The following DAP variants were observed in gnomAD, a reference collection of about 807,000 sequenced individuals.
DAP encodes death-associated protein 1.
In DAP, 8 loss-of-function variants were observed where a neutral mutation model predicts 13.8. The observed-to-expected ratio is 0.58, with a 90% CI of 0.34 to 1.05. DAP has a LOEUF of 1.05. Ranked by LOEUF, DAP falls within the 50% of genes least tolerant of loss-of-function variation. DAP has a pLI of 0.03. For synonymous variants in DAP, 47 were observed against 47.5 expected (o/e 0.99, Z 0.04); for missense variants, 106 against 133.2 (o/e 0.80, Z 1.01).
Position 10,680,387 on chromosome 5 carries a change from C to T in DAP, c.*669G>A. ...TGCTGGGCTTGCCGTGCCGAGATCT[C>T]ATGCCAGAAGTCCTCCCTCGGAGCT... On this transcript the variant is annotated 3_prime_UTR_variant, in exon 4 of 4. Transcript: ENST00000230895. 3.2e-6 allele frequency: 1 copy of T among 308,794 alleles called. No individual in the cohort carries two copies. The highest frequency in any genetic ancestry group is 6.0e-6 in the Non-Finnish European group (1 of 166,028). 19.1% of individuals were successfully genotyped at this position (308,794 alleles called of 1,614,324 possible).
At chr5:10,683,679 A>G (rs942390819) in intron 2 of DAP, 108 bp from the exon 3 acceptor site, 18 of 1,010,846 alleles carry the variant, frequency 1.8e-5, no homozygotes, top group African/African-American at 1.1e-4. Flanking sequence ...GCGTGGAGGC[A>G]GAATGGGAAG....
intron 1 of DAP, among the ~76,000 whole-genome samples, chr5:10,759,796 C>T (rs896208804): frequency 7.9e-6 from 1 of 126,730 alleles, no homozygotes; most frequent in African/African-American, 3.0e-5. Context: ...GCTTTGTCGC[C>T]AAGGCTGGAG....
chr5:10,715,611 T>C (rs1157837872), intron 2 of DAP, among the ~76,000 whole-genome samples: 2 of 152,216 alleles, frequency 1.3e-5, no homozygotes, highest in Admixed American at 6.5e-5. Context: ...TCTAGGTACA[T>C]AGCACCTCTC....
At chr5:10,737,385 C>CAAA (rs1441651339) in intron 2 of DAP, among the ~76,000 whole-genome samples, 8 of 149,120 alleles carry the variant, frequency 5.4e-5, no homozygotes, top group Admixed American at 2.7e-4. Flanking sequence ...ACAACAACAA[C>CAAA]AAAAAAAACT....
intron 2 of DAP, among the ~76,000 whole-genome samples, chr5:10,698,957 G>C (rs1738498306): frequency 1.3e-5 from 2 of 152,196 alleles, no homozygotes; most frequent in Non-Finnish European, 2.9e-5. Flanking sequence ...AATTTGCTTA[G>C]TTCTGATTGG....
chr5:10,751,586 T>G (rs1222858566), intron 1 of DAP, among the ~76,000 whole-genome samples: 3 of 152,232 alleles, frequency 2.0e-5, no homozygotes, highest in East Asian at 1.9e-4. Flanking sequence ...GGCTGAATAG[T>G]GTCCCCCCAA....
At chr5:10,695,200 A>G (rs1477838900) in intron 2 of DAP, among the ~76,000 whole-genome samples, 1 of 152,200 alleles carries the variant, frequency 6.6e-6, no homozygotes, top group Non-Finnish European at 1.5e-5. Flanking sequence ...TCCCTCCTTC[A>G]GCCTGGCTTC....
chr5:10,743,077 CTT>C (rs1468160475), intron 2 of DAP, among the ~76,000 whole-genome samples: 1 of 152,172 alleles, frequency 6.6e-6, no homozygotes, highest in African/African-American at 2.4e-5. Flanking sequence ...GAACTCGGCT[CTT>C]TGTTTGTTGA....
At chr5:10,737,619 C>T (rs1020104843) in intron 2 of DAP, among the ~76,000 whole-genome samples, 32 of 152,284 alleles carry the variant, frequency 2.1e-4, no homozygotes, top group Admixed American at 1.1e-3. Flanking sequence ...GCATACATGC[C>T]TGAGATTTAA....
chr5:10,715,641 TAAG>T (rs1441059168), intron 2 of DAP, among the ~76,000 whole-genome samples: 1 of 152,248 alleles, frequency 6.6e-6, no homozygotes, highest in East Asian at 1.9e-4. Flanking sequence ...AGAAAAATGC[TAAG>T]AAGAATTAAC....
intron 2 of DAP, among the ~76,000 whole-genome samples, chr5:10,689,856 G>C (rs924487153): frequency 6.6e-6 from 1 of 152,170 alleles, no homozygotes. Flanking sequence ...GGCTGACTCC[G>C]AGCTGAGGAG....
chr5:10,731,223 G>C (rs1474528756), intron 2 of DAP, among the ~76,000 whole-genome samples: 1 of 135,888 alleles, frequency 7.4e-6, no homozygotes, highest in Non-Finnish European at 1.6e-5. Flanking sequence ...TCTATTGAGA[G>C]CCCTAGTGGG....
chr5:10,685,276 T>A (rs1030986140), intron 2 of DAP, among the ~76,000 whole-genome samples: 1 of 152,268 alleles, frequency 6.6e-6, no homozygotes, highest in Non-Finnish European at 1.5e-5. Context: ...TTGGATTTTT[T>A]TCCCCTTCCT....
intron 2 of DAP, among the ~76,000 whole-genome samples, chr5:10,716,936 C>T (rs948581938): frequency 4.6e-5 from 7 of 152,106 alleles, no homozygotes; most frequent in South Asian, 4.1e-4. Context: ...TGATTAGACC[C>T]CAAAATGCTA....
intron 2 of DAP, among the ~76,000 whole-genome samples, chr5:10,689,304 A>T (rs1738238342): frequency 1.3e-5 from 2 of 152,044 alleles, no homozygotes; most frequent in South Asian, 4.1e-4. Context: ...ACACTGTCCC[A>T]TCGCAACTGC....
chr5:10,700,607 T>C (rs1738553268), intron 2 of DAP, among the ~76,000 whole-genome samples: 1 of 152,188 alleles, frequency 6.6e-6, no homozygotes, highest in Non-Finnish European at 1.5e-5. Context: ...TCAGCGTGCA[T>C]GGATCTGTGC....
At chr5:10,686,015 G>C (rs916417013) in intron 2 of DAP, among the ~76,000 whole-genome samples, 4 of 152,184 alleles carry the variant, frequency 2.6e-5, no homozygotes, top group African/African-American at 9.7e-5. Context: ...TTGAAGGTTT[G>C]TGGCAACTCT....
chr5:10,736,074 G>C (rs1264303302), intron 2 of DAP, among the ~76,000 whole-genome samples: 3 of 152,182 alleles, frequency 2.0e-5, no homozygotes, highest in Non-Finnish European at 4.4e-5. Flanking sequence ...CACACAGGGA[G>C]AACGTCAGGC....
chr5:10,711,468 A>G (rs1738850713), intron 2 of DAP, among the ~76,000 whole-genome samples: 1 of 152,234 alleles, frequency 6.6e-6, no homozygotes, highest in South Asian at 2.1e-4. Flanking sequence ...GATTCTCCTA[A>G]TGACTGCCCC....
Sources: allele counts gnomAD v4.1 joint callset (sites outside exome capture counted in the v4.1 genomes callset), GRCh38; gene constraint gnomAD v4.1.1; transcripts MANE v1.5; gene names NCBI Gene and HGNC (gene_info 2026-07-23, HGNC 2026-07-21).